The following ZNF37A variants were observed in gnomAD, a reference collection of about 807,000 sequenced individuals.
ZNF37A encodes the protein zinc finger protein 37a (KOX 21).
Under a neutral mutation model 12.3 loss-of-function variants are expected in ZNF37A, and 10 were observed. That is an observed-to-expected ratio of 0.82 (90% CI 0.50 to 1.38). The LOEUF (loss-of-function observed/expected upper bound fraction) is 1.38. ZNF37A is among the 40% of genes most tolerant of loss of function. The pLI is 0.00. For missense variants in ZNF37A, 580 were observed against 651.2 expected, an observed-to-expected ratio of 0.89 and a Z score of 1.19; for synonymous variants, 207 against 223.0, an observed-to-expected ratio of 0.93 and a Z score of 0.64.
Position 38,094,356 on chromosome 10 carries a change from T to C in ZNF37A, c.-626T>C, listed in dbSNP as rs9339952. 0.1 allele frequency: 12,473 copies of C among 122,248 alleles called. 580 individuals are homozygous for C. Among genetic ancestry groups the C allele is most frequent in the African/African-American group, 0.16 (5,303 of 33,846 alleles). 7.6% of individuals were successfully genotyped at this position (122,248 alleles called of 1,614,324 possible). On this transcript the variant is annotated 5_prime_UTR_variant, in exon 1 of 8. Transcript: ENST00000685332. ...TTGTGGGAGATGTAGTGTGCACTTT[T>C]CGGCCCCCGTCGCGGGAGCCGCTTC...
exon 8 of ZNF37A, chr10:38,148,694 C>G (rs889939283): frequency 2.0e-5 from 3 of 152,256 alleles, no homozygotes; most frequent in African/African-American, 7.2e-5. Context: ...TGGAGAATGT[C>G]TTAGCCAGCT....
intron 7 of ZNF37A, among the ~76,000 whole-genome samples, chr10:38,135,925 G>T (rs1171422061): frequency 2.0e-5 from 3 of 152,118 alleles, no homozygotes; most frequent in Non-Finnish European, 4.4e-5. Context: ...GATTTGGGTG[G>T]AGACACAGCC....
chr10:38,115,339 G>A (rs1590895455), intron 7 of ZNF37A, 49 bp downstream of exon 7: 1 of 1,585,294 alleles, frequency 6.3e-7, no homozygotes, highest in Non-Finnish European at 8.6e-7. Flanking sequence ...AGATCACAAA[G>A]GGTAAGTTTG....
intron 5 of ZNF37A, among the ~76,000 whole-genome samples, chr10:38,105,197 G>C (rs1167604891): frequency 6.6e-6 from 1 of 151,896 alleles, no homozygotes; most frequent in African/African-American, 2.4e-5. Context: ...TAGAGACAGG[G>C]TTTCTCCATG....
chr10:38,117,327 T>C, intron 7 of ZNF37A, 63 bp from the exon 8 acceptor site: 1 of 1,522,876 alleles, frequency 6.6e-7, no homozygotes, highest in African/African-American at 1.4e-5. Flanking sequence ...TCAAATATAA[T>C]GCTAAGTTTA....
chr10:38,094,563 C>G (rs2474569), intron 1 of ZNF37A, 73 bp downstream of exon 1: 62,694 of 152,420 alleles, frequency 0.41, 13,103 homozygotes, highest in East Asian at 0.5. Flanking sequence ...AGAGGGAACG[C>G]CTTTGCCGCC....
chr10:38,097,829 T>TAA (rs2067271859), intron 5 of ZNF37A, among the ~76,000 whole-genome samples: 2 of 152,154 alleles, frequency 1.3e-5, no homozygotes, highest in Admixed American at 1.3e-4. Flanking sequence ...TAAGCCATTT[T>TAA]AAAGTATAGA....
In ZNF37A at chr10:38,109,332, A is replaced by T. The variant is rs543743571; in HGVS notation, c.16-5423A>T. Among the ~76,000 whole-genome samples the T allele has an allele frequency of 2.0e-5, 3 of 152,234 alleles. No homozygotes were observed. In the East Asian group the frequency reaches 5.8e-4, roughly 29 times the overall value. ...TCAAAAAACTAGGTATTGATGGAAC[A>T]TATCTCAAAATAATAATAAGAGCTA... On this transcript the variant is annotated intron_variant, in intron 5 of 7. Transcript: ENST00000685332.
rs1325478569 is a variant in ZNF37A at position 38,114,856 on chromosome 10, G to C, written c.117G>C (p.Glu39Asp). ...CCCTGTACAGGGATGTGATGCTGGA[G>C]AACTACAGCCACCTTGTCTCAGTAG... Reference protein sequence around the residue: ...QRTLYRDVMLENYSHLVSVGY... With the variant: ...QRTLYRDVMLDNYSHLVSVGY... Residue 39 changes from glutamate to aspartate, a missense_variant, in exon 6 of 8, where the codon GAG becomes GAC. Transcript: ENST00000685332. 1 of 1,613,284 alleles carries C rather than the reference G, an allele frequency of 6.2e-7. No individual in the cohort carries two copies. The highest frequency in any genetic ancestry group is 8.5e-7 in the Non-Finnish European group (1 of 1,179,736).
At chr10:38,098,438 G>C (rs1292191126) in intron 5 of ZNF37A, among the ~76,000 whole-genome samples, 1 of 152,098 alleles carries the variant, frequency 6.6e-6, no homozygotes, top group Non-Finnish European at 1.5e-5. Flanking sequence ...TTTTTAGTTA[G>C]CTTTTCTATT....
exon 8 of ZNF37A, chr10:38,150,208 T>C (rs2070310652): frequency 6.6e-6 from 1 of 151,882 alleles, no homozygotes. Context: ...CCCACTCTCA[T>C]TCAGAAGCTC....
intron 7 of ZNF37A, among the ~76,000 whole-genome samples, chr10:38,116,517 A>G (rs1165201239): frequency 6.6e-6 from 1 of 152,206 alleles, no homozygotes; most frequent in African/African-American, 2.4e-5. Flanking sequence ...TATGAGGGAC[A>G]AACAGCTGAA....
At chr10:38,105,964 T>C (rs1462174380) in intron 5 of ZNF37A, among the ~76,000 whole-genome samples, 1 of 129,794 alleles carries the variant, frequency 7.7e-6, no homozygotes. Flanking sequence ...TCAATTTGAA[T>C]GTCTTTTATT....
intron 5 of ZNF37A, among the ~76,000 whole-genome samples, chr10:38,101,349 AT>A (rs35151327): frequency 0.41 from 58,764 of 144,894 alleles, 11,528 homozygotes; most frequent in East Asian, 0.5. Flanking sequence ...TTTTGAGTTA[AT>A]TTTTTTTTTT....
downstream of ZNF37A, among the ~76,000 whole-genome samples, chr10:38,129,316 A>AAAAAAAAAAAAAAAAAAAAC (rs1432210552): frequency 2.9e-4 from 42 of 142,508 alleles, no homozygotes; most frequent in Non-Finnish European, 4.9e-4. Context: ...AAAAAAAAAA[A>AAAAAAAAAAAAAAAAAAAAC]AAAAAACTAT....
intron 5 of ZNF37A, among the ~76,000 whole-genome samples, chr10:38,097,224 G>A (rs1282724404): frequency 6.6e-6 from 1 of 152,148 alleles, no homozygotes; most frequent in Non-Finnish European, 1.5e-5. Context: ...ACAACGAAGT[G>A]AATAATTCAT....
chr10:38,113,358 G>A (rs1028574490), intron 5 of ZNF37A, among the ~76,000 whole-genome samples: 9 of 151,432 alleles, frequency 5.9e-5, no homozygotes, highest in South Asian at 2.1e-4. Flanking sequence ...GATTACAGGC[G>A]TCCACAGTCA....
intron 5 of ZNF37A, among the ~76,000 whole-genome samples, chr10:38,111,484 TAAA>T (rs201057446): frequency 7.0e-6 from 1 of 143,260 alleles, no homozygotes; most frequent in African/African-American, 2.6e-5. Flanking sequence ...AGTATAATAA[TAAA>T]AAAAAAAAAC....
chr10:38,115,378 G>A (rs1354651950), intron 7 of ZNF37A, 88 bp downstream of exon 7: 5 of 1,505,026 alleles, frequency 3.3e-6, no homozygotes, highest in Admixed American at 2.2e-5. Context: ...ATGTTCTTTA[G>A]GAATCATGTT....
Sources: gnomAD v4.1 joint callset for allele counts (sites outside exome capture counted in the v4.1 genomes callset) on GRCh38, gnomAD v4.1.1 for gene constraint, MANE v1.5 for transcripts, NCBI Gene and HGNC (gene_info 2026-07-23, HGNC 2026-07-21) for gene names.